The following N4BP2 variants were observed in gnomAD, a reference collection of about 807,000 sequenced individuals.
N4BP2 encodes the protein NEDD4-binding protein 2.
Under a neutral mutation model 152.8 loss-of-function variants are expected in N4BP2, and 91 were observed. The observed-to-expected ratio is 0.60, with a 90% CI of 0.50 to 0.71. The LOEUF (loss-of-function observed/expected upper bound fraction) is 0.71, where lower values mean the gene tolerates loss of function less well. Among genes scored for constraint, N4BP2 ranks in the 30% least tolerant of loss-of-function variants. The pLI is 0.00. For missense variants in N4BP2, 1,923 were observed against 2,059.1 expected (o/e 0.93, Z 1.28); for synonymous variants, 646 against 705.3 (o/e 0.92, Z 1.33).
At chr4:40,099,830 T>G (rs1264569018) in intron 3 of N4BP2, among the ~76,000 whole-genome samples, 3 of 152,160 alleles carry the variant, frequency 2.0e-5, no homozygotes, top group Admixed American at 2.0e-4. Context: ...TAGTTGATCT[T>G]TTCTGGTTTT....
At chr4:40,180,662 G>A in the N4BP2 span, among the ~76,000 whole-genome samples, 35 of 152,222 alleles carry the variant, frequency 2.3e-4, no homozygotes, top group Non-Finnish European at 2.2e-4. Context: ...GTTGGTAATA[G>A]CAAAAAAGTG....
intron 5 of N4BP2, among the ~76,000 whole-genome samples, chr4:40,109,790 A>G (rs2109976878): frequency 6.6e-6 from 1 of 152,276 alleles, no homozygotes; most frequent in Non-Finnish European, 1.5e-5. Context: ...TAATAGGCGG[A>G]ATTCATTTTA....
chr4:40,102,653 T>A lies in N4BP2; in HGVS notation c.808T>A (p.Leu270Ile). 6.2e-7 allele frequency: 1 copy of A among 1,614,178 alleles called. No individual in the cohort carries two copies. The highest frequency in any genetic ancestry group is 2.2e-5 in the East Asian group (1 of 44,888). Residue 270 changes from leucine to isoleucine, a missense_variant, in exon 4 of 18, where the codon TTA (leucine) becomes ATA (isoleucine). Leu to Ile is a conservative substitution (Grantham distance 5, BLOSUM62 2). Coordinates refer to ENST00000261435, the MANE Select transcript of N4BP2 (RefSeq NM_018177.6). ...SSLNQKQKELLESECVEAQFS... is the reference protein window; with the variant it reads ...SSLNQKQKELIESECVEAQFS... ...TCTCAATCAAAAACAGAAAGAACTTTTAGAATCTGAGTGCGTTGAGGCTCA... is the reference window on the plus strand; with the variant it reads ...TCTCAATCAAAAACAGAAAGAACTTATAGAATCTGAGTGCGTTGAGGCTCA...
At chr4:40,138,079 G>A (rs1290338228) in intron 14 of N4BP2, among the ~76,000 whole-genome samples, 2 of 152,210 alleles carry the variant, frequency 1.3e-5, no homozygotes, top group African/African-American at 4.8e-5. Flanking sequence ...CCTCTCTAGT[G>A]TCATGAAGGC....
chr4:40,111,617 C>T (rs1441992147), intron 5 of N4BP2, among the ~76,000 whole-genome samples: 2 of 151,504 alleles, frequency 1.3e-5, no homozygotes, highest in East Asian at 3.9e-4. Flanking sequence ...CCGCGCCCGG[C>T]CTTGTTTTGT....
At chr4:40,162,973 G>C (rs1039317008), downstream of N4BP2, among the ~76,000 whole-genome samples, 7 of 152,196 alleles carry the variant, frequency 4.6e-5, no homozygotes, top group African/African-American at 1.7e-4. Context: ...AAGGCTGCTT[G>C]AGTGTCCTTA....
chr4:40,160,084 T>A (rs1721815947), downstream of N4BP2, among the ~76,000 whole-genome samples: 1 of 152,098 alleles, frequency 6.6e-6, no homozygotes, highest in Non-Finnish European at 1.5e-5. Flanking sequence ...CCTCCCAAAG[T>A]GCTGGGATTA....
At chr4:40,133,963 G>A (rs992450391) in intron 13 of N4BP2, among the ~76,000 whole-genome samples, 7 of 151,930 alleles carry the variant, frequency 4.6e-5, no homozygotes, top group Non-Finnish European at 7.4e-5. Context: ...GTGCCACCAC[G>A]CCTGGCTAGT....
At chr4:40,168,371 G>A in the N4BP2 span, among the ~76,000 whole-genome samples, 6 of 151,974 alleles carry the variant, frequency 3.9e-5, no homozygotes, top group East Asian at 9.6e-4. Flanking sequence ...TAAAGCAATT[G>A]GAAAAGCAAT....
At chr4:40,186,641 T>A in the N4BP2 span, among the ~76,000 whole-genome samples, 7 of 152,240 alleles carry the variant, frequency 4.6e-5, no homozygotes, top group Admixed American at 1.3e-4. Flanking sequence ...GAATCCAAAT[T>A]CGTTTTGTAA....
chr4:40,179,940 T>G, the N4BP2 span, among the ~76,000 whole-genome samples: 1 of 151,930 alleles, frequency 6.6e-6, no homozygotes, highest in African/African-American at 2.4e-5. Context: ...ACTTTTGTAT[T>G]TTTAGTAGAG....
the N4BP2 span, among the ~76,000 whole-genome samples, chr4:40,165,230 C>CT: frequency 2.6e-5 from 4 of 151,612 alleles, no homozygotes; most frequent in Admixed American, 6.6e-5. Context: ...TAGCTCAAAT[C>CT]TTTTTTTGGA....
chr4:40,127,230 T>A (rs1718492938), intron 12 of N4BP2, among the ~76,000 whole-genome samples: 1 of 151,534 alleles, frequency 6.6e-6, no homozygotes. Context: ...TTTAATTTTA[T>A]TTGTTTGAAA....
chr4:40,103,198 T>C lies in N4BP2; in HGVS notation c.1353T>C (p.Ser451=). The part of the protein sequence containing the change: ...VLVLLRGLPG[S]GKSFLARTLQ... ...TTCTTCTCAGAGGTCTTCCGGGATC[T>C]GGAAAATCTTTTTTGGCAAGGTATG... is the stretch of plus-strand genomic sequence containing the variant. The change falls in exon 4 of 18, where the codon TCT becomes TCC. Residue 451 remains serine (S), a synonymous_variant. Coordinates refer to ENST00000261435, the MANE Select transcript of N4BP2 (RefSeq NM_018177.6). The C allele has an allele frequency of 6.2e-7, 1 of 1,604,832 alleles. No individual in the cohort carries two copies. Among genetic ancestry groups the C allele is most frequent in the Non-Finnish European group, 8.5e-7 (1 of 1,175,930 alleles).
chr4:40,160,851 G>A (rs761157783), downstream of N4BP2, among the ~76,000 whole-genome samples: 2 of 152,172 alleles, frequency 1.3e-5, no homozygotes, highest in Middle Eastern at 3.2e-3. Flanking sequence ...CTCATGTTAA[G>A]TTTTAGTTTT....
In N4BP2 at chr4:40,112,043, A is replaced by ATTG. The variant is rs373060453; in HGVS notation, c.1499-38_1499-36dup. ...TTTTTTGAAAATCATAATACTTAGT[A>ATTG]TTGTTTAAAAAATGATTTTTAATTA... On this transcript the variant is annotated intron_variant, in intron 5 of 17. Transcript: ENST00000261435. 4.0e-4 allele frequency: 430 copies of ATTG among 1,069,290 alleles called. No individual in the cohort carries two copies. In the African/African-American group the frequency reaches 5.7e-3, roughly 14 times the overall value. 66.2% of individuals were successfully genotyped at this position (1,069,290 alleles called of 1,614,324 possible).
chr4:40,080,647 T>TA (rs1231406017), intron 2 of N4BP2, among the ~76,000 whole-genome samples: 2 of 146,158 alleles, frequency 1.4e-5, no homozygotes, highest in African/African-American at 5.1e-5. Flanking sequence ...TATATGTTTT[T>TA]ATACATCAGA....
chr4:40,090,642 G>A (rs1714437041), intron 2 of N4BP2, among the ~76,000 whole-genome samples: 1 of 152,072 alleles, frequency 6.6e-6, no homozygotes, highest in Non-Finnish European at 1.5e-5. Flanking sequence ...GCTTAAAGTT[G>A]TAGTTTACAG....
chr4:40,092,772 T>C (rs187295966), intron 2 of N4BP2, among the ~76,000 whole-genome samples: 14 of 151,522 alleles, frequency 9.2e-5, no homozygotes, highest in African/African-American at 3.4e-4. Flanking sequence ...GCCTCCCAAG[T>C]AGCTGGGACT....
Sources: allele counts gnomAD v4.1 joint callset (sites outside exome capture counted in the v4.1 genomes callset), GRCh38; gene constraint gnomAD v4.1.1; transcripts MANE v1.5; gene names NCBI Gene and HGNC (gene_info 2026-07-23, HGNC 2026-07-21).